STAU2: variants seen among roughly 807,000 people sequenced by gnomAD.
STAU2 encodes the protein staufen double-stranded RNA binding protein 2, also known as double-stranded RNA-binding protein Staufen homolog 2.
Under a neutral mutation model 65.9 loss-of-function variants are expected in STAU2, and 20 were observed. The observed-to-expected ratio is 0.30, with a 90% CI of 0.21 to 0.44. STAU2 has a LOEUF of 0.44. STAU2 is among the 20% of genes least tolerant of loss of function. The pLI is 1.00. For synonymous variants in STAU2, 232 were observed against 233.9 expected (o/e 0.99, Z 0.07); for missense variants, 558 against 683.9 (o/e 0.82, Z 2.05).
At chr8:73,610,875 A>G (rs10957680) in intron 9 of STAU2, among the ~76,000 whole-genome samples, 148,523 of 152,316 alleles carry the variant, frequency 0.98, 72,426 homozygotes, top group East Asian at 1. Flanking sequence ...CAATTAACCA[A>G]TATCAAATGG....
Position 73,443,856 on chromosome 8 carries a change from A to AT in STAU2, c.1531-21155_1531-21154insA, listed in dbSNP as rs555176179. Among the ~76,000 whole-genome samples, 217 of 151,788 alleles carry AT rather than the reference A, an allele frequency of 1.4e-3. 1 individual carries two copies. The highest frequency in any genetic ancestry group is 5.0e-3 in the African/African-American group (205 of 41,388). The stretch of plus-strand genomic sequence containing the variant: ...GAGTGACACCCTGTCTCTTAAAAAA[A>AT]AAAAAAAGTAGTGACTTGTGATTTG... On this transcript the variant is annotated intron_variant, in intron 13 of 14. Transcript: ENST00000524300.
intron 13 of STAU2, among the ~76,000 whole-genome samples, chr8:73,498,646 G>A (rs1821566017): frequency 6.6e-6 from 1 of 151,668 alleles, no homozygotes; most frequent in Admixed American, 6.6e-5. Flanking sequence ...AAATCATAAA[G>A]ACAAACACAT....
intron 13 of STAU2, among the ~76,000 whole-genome samples, chr8:73,480,008 G>A (rs1820527789): frequency 6.6e-6 from 1 of 151,896 alleles, no homozygotes; most frequent in African/African-American, 2.4e-5. Flanking sequence ...TGACATAGAT[G>A]CTAGCAAAGT....
intron 3 of STAU2, among the ~76,000 whole-genome samples, chr8:73,737,486 C>T (rs113114249): frequency 0.011 from 1,651 of 152,002 alleles, 14 homozygotes; most frequent in Non-Finnish European, 0.019. Flanking sequence ...CTTTCTTAAT[C>T]ACAGGGGAAA....
Position 73,673,133 on chromosome 8 carries a change from G to T in STAU2, c.384C>A (p.Tyr128Ter). 1 of 1,594,428 alleles carries T rather than the reference G, an allele frequency of 6.3e-7. No homozygotes were observed. The highest frequency in any genetic ancestry group is 8.5e-7 in the Non-Finnish European group (1 of 1,170,436). The change falls in exon 6 of 15, where the codon TAC (tyrosine) becomes TAA (stop). Residue 128 changes from tyrosine (Y) to a stop codon, truncating the protein, a stop_gained. Transcript: ENST00000524300. LOFTEE classifies it high-confidence loss of function. Reference sequence around the variant, plus strand: ...TCTGATTGTACATGCCCCGAAAGTTGTAATTAGCTCTATAATTTGGGAATG... The same window carrying T: ...TCTGATTGTACATGCCCCGAAAGTTTTAATTAGCTCTATAATTTGGGAATG... ...PKPFPNYRANYNFRGMYNQRY... is the reference protein window; with the variant it reads ...PKPFPNYRAN
At chr8:73,466,690 C>T (rs185917651) in intron 13 of STAU2, among the ~76,000 whole-genome samples, 3 of 152,352 alleles carry the variant, frequency 2.0e-5, no homozygotes, top group Admixed American at 1.3e-4. Context: ...AATCCCAGAA[C>T]GTTTTATCTA....
intron 13 of STAU2, among the ~76,000 whole-genome samples, chr8:73,517,418 T>C (rs1822797629): frequency 7.0e-6 from 1 of 142,098 alleles, no homozygotes; most frequent in Non-Finnish European, 1.5e-5. Context: ...GAGTGAGTTC[T>C]TGTCTCAATA....
At position 73,453,569 on chromosome 8, in the gene STAU2, C is replaced by G. The variant is rs59264321; in HGVS notation, c.1531-30867G>C. Among the ~76,000 whole-genome samples the G allele has an allele frequency of 8.9e-3, 1,359 of 152,296 alleles. 23 individuals are homozygous for G. Among genetic ancestry groups the G allele is most frequent in the African/African-American group, 0.03 (1,236 of 41,564 alleles). On this transcript the variant is annotated intron_variant, in intron 13 of 14. Coordinates refer to ENST00000524300, the MANE Select transcript of STAU2 (RefSeq NM_001164380.2). ...GAAAAATCAAGGGGCACCTTGTTAC[C>G]TACCCAAACCAAACTGGTGAAAATT... is the stretch of plus-strand genomic sequence containing the variant.
intron 13 of STAU2, among the ~76,000 whole-genome samples, chr8:73,461,945 C>G (rs1819374065): frequency 6.6e-6 from 1 of 152,218 alleles, no homozygotes; most frequent in Non-Finnish European, 1.5e-5. Flanking sequence ...GCTTCTTTGT[C>G]TGCTTTGATT....
intron 13 of STAU2, chr8:73,551,304 C>T (rs1015487486): frequency 1.0e-6 from 1 of 987,280 alleles, no homozygotes; most frequent in Non-Finnish European, 1.2e-6. Context: ...CCTAAATTCA[C>T]ATACACAACA....
intron 3 of STAU2, among the ~76,000 whole-genome samples, chr8:73,709,530 A>G (rs966171797): frequency 3.9e-5 from 6 of 151,996 alleles, no homozygotes; most frequent in African/African-American, 1.4e-4. Flanking sequence ...AATTTTGTCT[A>G]CCTTCTTGAT....
intron 6 of STAU2, among the ~76,000 whole-genome samples, chr8:73,656,945 C>T (rs1816421397): frequency 6.6e-6 from 1 of 152,130 alleles, no homozygotes; most frequent in African/African-American, 2.4e-5. Context: ...TGATATCAGA[C>T]AAAGCAGAGT....
At chr8:73,651,561 G>A (rs374564437) in intron 6 of STAU2, 263 of 847,164 alleles carry the variant, frequency 3.1e-4, no homozygotes, top group South Asian at 1.4e-3. Context: ...CACCTGCTGT[G>A]CCCTTGGGCA....
chr8:73,744,585 C>T (rs1186592427), intron 1 of STAU2, among the ~76,000 whole-genome samples: 1 of 151,770 alleles, frequency 6.6e-6, no homozygotes, highest in Non-Finnish European at 1.5e-5. Context: ...AGCTTGATGA[C>T]TATCTTAGAT....
At chr8:73,473,849 G>T (rs562360973) in intron 13 of STAU2, among the ~76,000 whole-genome samples, 1 of 152,330 alleles carries the variant, frequency 6.6e-6, no homozygotes, top group South Asian at 2.1e-4. Context: ...ATGGCAGGCA[G>T]AAAGCGGGAG....
At chr8:73,496,332 T>G (rs1010558068) in intron 13 of STAU2, among the ~76,000 whole-genome samples, 2 of 151,648 alleles carry the variant, frequency 1.3e-5, no homozygotes, top group Non-Finnish European at 3.0e-5. Context: ...GATGTGAAGA[T>G]GACCACTTTG....
At chr8:73,712,836 C>T (rs2130663071) in intron 3 of STAU2, among the ~76,000 whole-genome samples, 1 of 152,268 alleles carries the variant, frequency 6.6e-6, no homozygotes, top group Non-Finnish European at 1.5e-5. Context: ...CATGCCTGTA[C>T]TCCTTGACAC....
intron 13 of STAU2, among the ~76,000 whole-genome samples, chr8:73,434,449 G>T (rs1246446417): frequency 2.0e-5 from 3 of 151,858 alleles, no homozygotes; most frequent in African/African-American, 7.3e-5. Flanking sequence ...AAGAGAAAAT[G>T]AATACACTCT....
chr8:73,516,974 C>T (rs1187946670), intron 13 of STAU2, among the ~76,000 whole-genome samples: 4 of 152,098 alleles, frequency 2.6e-5, no homozygotes, highest in Non-Finnish European at 4.4e-5. Flanking sequence ...TAGTAGTGAA[C>T]TGTTAACAGA....
Sources: allele counts gnomAD v4.1 joint callset (sites outside exome capture counted in the v4.1 genomes callset), GRCh38; gene constraint gnomAD v4.1.1; transcripts MANE v1.5; gene names NCBI Gene and HGNC (gene_info 2026-07-23, HGNC 2026-07-21).